The following PTPRD variants were observed in gnomAD, a reference collection of about 807,000 sequenced individuals.
PTPRD encodes the protein receptor-type tyrosine-protein phosphatase delta.
A neutral mutation model predicts 214.5 loss-of-function variants in PTPRD; 34 were observed. That is an observed-to-expected ratio of 0.16 (90% confidence interval 0.12 to 0.21). The LOEUF (loss-of-function observed/expected upper bound fraction) is 0.21. Among genes scored for constraint, PTPRD ranks in the 10% least tolerant of loss-of-function variants. The pLI is 1.00. For missense variants in PTPRD, 2,545 were observed against 2,398.7 expected (o/e 1.06, Z -1.27); for synonymous variants, 1,128 against 845.7 (o/e 1.33, Z -5.79).
intron 11 of PTPRD, among the ~76,000 whole-genome samples, chr9:8,757,971 G>A (rs571592313): frequency 6.6e-6 from 1 of 152,092 alleles, no homozygotes; most frequent in Non-Finnish European, 1.5e-5. Context: ...GGGCTGAATG[G>A]GTGTTACATT....
intron 4 of PTPRD, among the ~76,000 whole-genome samples, chr9:9,973,948 G>C (rs937640995): frequency 1.3e-5 from 2 of 152,088 alleles, no homozygotes; most frequent in Admixed American, 1.3e-4. Context: ...ACATTGATTT[G>C]ATATTTTTAA....
intron 11 of PTPRD, among the ~76,000 whole-genome samples, chr9:8,809,263 T>C (rs1340372466): frequency 1.3e-5 from 2 of 152,292 alleles, no homozygotes; most frequent in East Asian, 1.9e-4. Context: ...TACCGTTGTA[T>C]GTTTATACAG....
chr9:9,115,972 G>C (rs77818403), intron 10 of PTPRD, among the ~76,000 whole-genome samples: 1 of 152,078 alleles, frequency 6.6e-6, no homozygotes, highest in Non-Finnish European at 1.5e-5. Context: ...CACAGGAACA[G>C]AAAATCAAAT....
chr9:9,396,419 C>T (rs1250925796), intron 9 of PTPRD, among the ~76,000 whole-genome samples: 1 of 151,968 alleles, frequency 6.6e-6, no homozygotes, highest in Non-Finnish European at 1.5e-5. Context: ...CCACATTATT[C>T]ATAGACATAT....
chr9:8,494,904 A>G (rs2097228054), intron 26 of PTPRD, among the ~76,000 whole-genome samples: 1 of 151,998 alleles, frequency 6.6e-6, no homozygotes, highest in Admixed American at 6.6e-5. Flanking sequence ...GATGTGCCTG[A>G]TATTATGGCC....
At chr9:9,605,499 A>G (rs1244716202) in intron 7 of PTPRD, among the ~76,000 whole-genome samples, 9 of 152,186 alleles carry the variant, frequency 5.9e-5, no homozygotes, top group African/African-American at 1.4e-4. Flanking sequence ...TGCATGTGTT[A>G]TAAAAAACAT....
chr9:9,964,933 A>T lies in PTPRD; in HGVS notation c.-471-26323T>A, dbSNP rs530941179. ...GGGAAATAAACTTATTTTTGTCCTA[A>T]TTTTTCTTCTCTTACTTGCAAGTAA... On this transcript the variant is annotated intron_variant, in intron 4 of 45. Coordinates refer to ENST00000381196, the MANE Select transcript of PTPRD (RefSeq NM_002839.4). 5.9e-5 allele frequency among the ~76,000 whole-genome samples: 9 copies of T among 152,214 alleles called. No homozygotes were observed. The South Asian group carries it at 1.9e-3, about 32-fold the overall frequency.
intron 2 of PTPRD, among the ~76,000 whole-genome samples, chr9:10,488,551 T>C (rs1206743840): frequency 2.6e-5 from 4 of 152,048 alleles, no homozygotes; most frequent in African/African-American, 9.7e-5. Flanking sequence ...GGATGGCAAG[T>C]TCCCCTAGGC....
At chr9:9,577,435 T>C (rs1294296300) in intron 7 of PTPRD, among the ~76,000 whole-genome samples, 1 of 151,760 alleles carries the variant, frequency 6.6e-6, no homozygotes, top group African/African-American at 2.4e-5. Flanking sequence ...GGTGGTGGTG[T>C]GTGCTTGTAC....
intron 8 of PTPRD, among the ~76,000 whole-genome samples, chr9:9,452,673 G>A (rs963420145): frequency 6.6e-6 from 1 of 150,380 alleles, no homozygotes; most frequent in Admixed American, 6.7e-5. Flanking sequence ...AGGATTCACA[G>A]ACTTAAAGAT....
rs1365488866 is a variant in PTPRD, at chr9:8,477,015, A to C, written c.3414-5930T>G. 3.9e-5 allele frequency among the ~76,000 whole-genome samples: 6 copies of C among 152,200 alleles called. No individual in the cohort carries two copies. In the East Asian group the frequency reaches 1.2e-3, roughly 29 times the overall value. ...CTTGTTCTAATCTCACAGGACATTA[A>C]GAAAGATAAGATGATTCATATTGGA... On this transcript the variant is annotated intron_variant, in intron 30 of 45. Coordinates refer to ENST00000381196, the MANE Select transcript of PTPRD (RefSeq NM_002839.4).
At chr9:8,934,478 A>ATAAAT (rs2098979878) in intron 11 of PTPRD, among the ~76,000 whole-genome samples, 128 of 8,468 alleles carry the variant, frequency 0.015, 5 homozygotes, top group Middle Eastern at 0.11. Flanking sequence ...TATATATATA[A>ATAAAT]ATATATATAT....
At chr9:8,588,040 G>C (rs767545030) in intron 14 of PTPRD, among the ~76,000 whole-genome samples, 1 of 152,194 alleles carries the variant, frequency 6.6e-6, no homozygotes, top group Non-Finnish European at 1.5e-5. Context: ...GCTCCCCCGT[G>C]ACAATTTTAG....
chr9:9,890,685 T>A (rs1282973677), intron 5 of PTPRD, among the ~76,000 whole-genome samples: 1 of 151,886 alleles, frequency 6.6e-6, no homozygotes, highest in African/African-American at 2.4e-5. Flanking sequence ...CCACAGAGAC[T>A]CTGTGCAAAA....
At chr9:10,024,035 A>T (rs923248489) in intron 4 of PTPRD, among the ~76,000 whole-genome samples, 2 of 152,162 alleles carry the variant, frequency 1.3e-5, no homozygotes, top group African/African-American at 2.4e-5. Context: ...CTATATTTTT[A>T]TATTAACACT....
intron 10 of PTPRD, among the ~76,000 whole-genome samples, chr9:9,045,946 A>G (rs546659631): frequency 6.6e-6 from 1 of 152,258 alleles, no homozygotes; most frequent in African/African-American, 2.4e-5. Context: ...GTTTATCCAG[A>G]TGCTTCTCAG....
chr9:10,600,437 A>G (rs917452119), intron 2 of PTPRD, among the ~76,000 whole-genome samples: 1 of 151,748 alleles, frequency 6.6e-6, no homozygotes, highest in South Asian at 2.1e-4. Flanking sequence ...GAGTAACTCT[A>G]TACATGCCAT....
At chr9:10,063,484 A>G (rs1294369728) in intron 3 of PTPRD, among the ~76,000 whole-genome samples, 1 of 152,058 alleles carries the variant, frequency 6.6e-6, no homozygotes. Flanking sequence ...TATGATCTAG[A>G]TATCTAAATA....
At chr9:10,266,695 T>C (rs1398266068) in intron 3 of PTPRD, among the ~76,000 whole-genome samples, 1 of 151,968 alleles carries the variant, frequency 6.6e-6, no homozygotes, top group East Asian at 1.9e-4. Context: ...GAGAGGAAAC[T>C]ATAGTTTCAG....
Sources: gnomAD v4.1 joint callset for allele counts (sites outside exome capture counted in the v4.1 genomes callset) on GRCh38, gnomAD v4.1.1 for gene constraint, MANE v1.5 for transcripts, NCBI Gene and HGNC (gene_info 2026-07-23, HGNC 2026-07-21) for gene names.